Variants in TTC6 observed in about 807,000 individuals in gnomAD.
TTC6 encodes the protein tetratricopeptide repeat protein 6.
Under a neutral mutation model 210.4 loss-of-function variants are expected in TTC6, and 172 were observed. The ratio of observed to expected loss-of-function variants is 0.82; its 90% CI spans 0.72 to 0.93. The LOEUF (loss-of-function observed/expected upper bound fraction) is 0.93. Among genes scored for constraint, TTC6 ranks in the 40% least tolerant of loss-of-function variants. TTC6 has a pLI of 0.00. For missense variants in TTC6, 2,414 were observed against 2,318.1 expected (o/e 1.04, Z -0.85); for synonymous variants, 804 against 819.6 (o/e 0.98, Z 0.32).
intron 14 of TTC6, among the ~76,000 whole-genome samples, chr14:37,787,184 ATTGACATACGTCC>A (rs1253081207): frequency 2.6e-5 from 4 of 152,226 alleles, no homozygotes; most frequent in Admixed American, 1.3e-4. Context: ...TACTTATTTT[ATTGACATACGTCC>A]TTGATAAATG....
At chr14:37,620,979 C>T (rs1396479159), upstream of TTC6, among the ~76,000 whole-genome samples, 1 of 152,206 alleles carries the variant, frequency 6.6e-6, no homozygotes, top group East Asian at 1.9e-4. Flanking sequence ...TACTTTTCTG[C>T]TAAAAATTTT....
In TTC6 at chr14:37,720,560, T is replaced by C. The variant is rs562331574; in HGVS notation, c.1714-4338T>C. ...ATGAACACTGAAGCAGGTTGCACAG[T>C]GAAAAAAAAAAAAAAAAAACTCAAA... On this transcript the variant is annotated intron_variant, in intron 6 of 30. Transcript: ENST00000553443. The C allele has an allele frequency of 6.9e-3, 798 of 115,972 alleles. 10 individuals carry two copies. The highest frequency in any genetic ancestry group is 0.026 in the African/African-American group (769 of 30,068). 7.2% of individuals were successfully genotyped at this position (115,972 alleles called of 1,614,324 possible). A position where few individuals can be genotyped will look rare whatever the true frequency, so the allele number is the denominator to read the frequency against.
intron 1 of TTC6, among the ~76,000 whole-genome samples, chr14:37,626,179 A>G (rs2095659977): frequency 6.6e-6 from 1 of 150,874 alleles, no homozygotes; most frequent in Non-Finnish European, 1.5e-5. Context: ...CCATGGCAGG[A>G]GAAGTAGAAA....
chr14:37,800,985 G>T (rs747308244), intron 20 of TTC6, among the ~76,000 whole-genome samples: 10 of 152,170 alleles, frequency 6.6e-5, no homozygotes, highest in Non-Finnish European at 2.9e-5. Context: ...CCCACAGGAT[G>T]ACACTAAGTG....
intron 1 of TTC6, among the ~76,000 whole-genome samples, chr14:37,637,299 A>T (rs2095682828): frequency 6.6e-6 from 1 of 152,246 alleles, no homozygotes; most frequent in South Asian, 2.1e-4. Flanking sequence ...CCAAAGGACA[A>T]ATTGAGACAT....
chr14:37,666,904 GA>G lies in TTC6; in HGVS notation c.940-13239del, dbSNP rs902405984. 2.3e-4 allele frequency among the ~76,000 whole-genome samples: 34 copies of G among 149,364 alleles called. 2 individuals carry two copies. Among genetic ancestry groups the G allele is most frequent in the Admixed American group, 5.3e-4 (8 of 14,994 alleles). On this transcript the variant is annotated intron_variant, in intron 1 of 30. Coordinates refer to ENST00000553443, the Ensembl canonical transcript of TTC6. ...GGGCACTTCTTACCATAAAAATACT[GA>G]AAAAAAATTTTATGACTATGGTGGT...
chr14:37,717,796 G>A (rs6571818), intron 6 of TTC6, among the ~76,000 whole-genome samples: 152,287 of 152,346 alleles, frequency 1, 76,114 homozygotes, highest in Non-Finnish European at 1. Flanking sequence ...ATGCAGACCA[G>A]TATCCTTGCT....
chr14:37,689,268 A>C (rs1302309725), intron 3 of TTC6, among the ~76,000 whole-genome samples: 9 of 152,208 alleles, frequency 5.9e-5, no homozygotes, highest in Non-Finnish European at 1.5e-5. Flanking sequence ...AAATACACAG[A>C]GGAGACAAAA....
intron 10 of TTC6, among the ~76,000 whole-genome samples, chr14:37,742,944 G>C (rs1296764326): frequency 6.6e-6 from 1 of 152,130 alleles, no homozygotes; most frequent in Non-Finnish European, 1.5e-5. Context: ...GTAATGTCCA[G>C]CTCAAATATC....
intron 11 of TTC6, 71 bp from the exon 14 acceptor site, chr14:37,749,642 TA>T: frequency 7.7e-6 from 9 of 1,172,658 alleles, no homozygotes; most frequent in Non-Finnish European, 9.9e-6. Context: ...AACCGTGTTT[TA>T]AAAATTTATT....
rs190995445 is a variant in TTC6 at position 37,754,883 on chromosome 14, A to C, written c.3266+1648A>C. On this transcript the variant is annotated intron_variant, in intron 14 of 30. Coordinates refer to ENST00000553443, the Ensembl canonical transcript of TTC6. ...CAGTAAACATATGTGTGCATGTGTC[A>C]TTATAGTAGAATGATTTATAATCCT... Among the ~76,000 whole-genome samples the C allele has an allele frequency of 2.0e-5, 3 of 152,242 alleles. No homozygotes were observed. The East Asian group carries it at 5.8e-4, about 29-fold the overall frequency.
intron 10 of TTC6, 82 bp from the exon 13 acceptor site, chr14:37,748,857 T>G (rs887049730): frequency 3.6e-6 from 4 of 1,116,630 alleles, no homozygotes; most frequent in Non-Finnish European, 4.9e-6. Context: ...AATAGTAGTT[T>G]TATGTGTGGC....
intron 2 of TTC6, 66 bp downstream of exon 4, chr14:37,680,327 A>C: frequency 9.5e-7 from 1 of 1,055,530 alleles, no homozygotes; most frequent in Non-Finnish European, 1.4e-6. Flanking sequence ...TGTTGCTTGA[A>C]TGTTTATATA....
chr14:37,719,765 A>C (rs2095858388), intron 6 of TTC6, among the ~76,000 whole-genome samples: 1 of 152,180 alleles, frequency 6.6e-6, no homozygotes, highest in South Asian at 2.1e-4. Flanking sequence ...AAAACATAGG[A>C]GATCTTTGGG....
At chr14:37,752,638 T>C (rs535262936) in intron 13 of TTC6, among the ~76,000 whole-genome samples, 127 of 152,268 alleles carry the variant, frequency 8.3e-4, no homozygotes, top group African/African-American at 2.8e-3. Context: ...ACTTTGTATG[T>C]CAATGTAAAA....
exon 14 of TTC6, chr14:37,753,104 T>C: frequency 1.3e-6 from 2 of 1,533,752 alleles, no homozygotes; most frequent in Non-Finnish European, 1.7e-6. Flanking sequence ...TATAGTGTAT[T>C]TTTTATGATC....
At chr14:37,809,276 G>A (rs547325773) in intron 24 of TTC6, among the ~76,000 whole-genome samples, 3 of 126,874 alleles carry the variant, frequency 2.4e-5, no homozygotes, top group Non-Finnish European at 3.2e-5. Context: ...TTTTTGAGAC[G>A]GAGACTCACT....
chr14:37,735,818 T>C, intron 7 of TTC6, 103 bp from the exon 10 acceptor site: 1 of 617,530 alleles, frequency 1.6e-6, no homozygotes, highest in East Asian at 3.1e-5. Context: ...TGTTTTCTCT[T>C]TGGTTCTTTT....
intron 29 of TTC6, 106 bp downstream of exon 31, chr14:37,827,472 G>A (rs2139516127): frequency 2.0e-6 from 2 of 987,804 alleles, no homozygotes; most frequent in African/African-American, 1.6e-5. Context: ...TAATGCATTG[G>A]CTATTAGCTC....
Sources: gnomAD v4.1 joint callset for allele counts (sites outside exome capture counted in the v4.1 genomes callset) on GRCh38, gnomAD v4.1.1 for gene constraint, MANE v1.5 for transcripts, NCBI Gene and HGNC (gene_info 2026-07-23, HGNC 2026-07-21) for gene names.